HDAC4: variants seen among roughly 807,000 people sequenced by gnomAD.
The protein encoded by HDAC4 is histone deacetylase A.
Under a neutral mutation model 135.1 loss-of-function variants are expected in HDAC4, and 16 were observed. That is an observed-to-expected ratio of 0.12 (90% CI 0.08 to 0.18). The LOEUF is 0.18. Ranked by LOEUF, HDAC4 falls within the 10% of genes least tolerant of loss-of-function variation. The probability of loss-of-function intolerance (pLI) is 1.00; values close to 1 mark genes in which losing one functional copy is unlikely to be tolerated. For missense variants in HDAC4, 1,143 were observed against 1,511.8 expected, an observed-to-expected ratio of 0.76 and a Z score of 4.05; for synonymous variants, 685 against 653.4, an observed-to-expected ratio of 1.05 and a Z score of -0.74.
At chr2:239,053,734 T>A in intron 25 of HDAC4, 133 bp from the exon 26 acceptor site, 1 of 717,414 alleles carries the variant, frequency 1.4e-6, no homozygotes, top group Non-Finnish European at 2.3e-6. Context: ...CACCCGTCTT[T>A]GAAGAGACAC....
intron 2 of HDAC4, among the ~76,000 whole-genome samples, chr2:239,263,793 C>G (rs540255753): frequency 1.3e-5 from 2 of 152,314 alleles, no homozygotes; most frequent in Admixed American, 1.3e-4. Context: ...GCATGCAGAG[C>G]AAGCCGCCTG....
chr2:239,263,086 G>T (rs1280940787), intron 2 of HDAC4, among the ~76,000 whole-genome samples: 1 of 152,170 alleles, frequency 6.6e-6, no homozygotes, highest in East Asian at 1.9e-4. Flanking sequence ...ACCTGCTGCG[G>T]CGGTGACACA....
intron 19 of HDAC4, among the ~76,000 whole-genome samples, chr2:239,086,780 G>C (rs2036008929): frequency 6.6e-6 from 1 of 152,194 alleles, no homozygotes; most frequent in Admixed American, 6.5e-5. Flanking sequence ...ACTCTCCAAG[G>C]CAGAGCCCTA....
At chr2:239,215,181 A>T (rs1398858528) in intron 3 of HDAC4, among the ~76,000 whole-genome samples, 1 of 152,218 alleles carries the variant, frequency 6.6e-6, no homozygotes, top group African/African-American at 2.4e-5. Flanking sequence ...GGGCGCTTGG[A>T]TGTGATGATG....
chr2:239,054,025 C>T (rs1366915646), intron 25 of HDAC4, among the ~76,000 whole-genome samples: 1 of 151,594 alleles, frequency 6.6e-6, no homozygotes, highest in African/African-American at 2.4e-5. Context: ...TGGGCCCTCA[C>T]AGAGGCTGGG....
At chr2:239,249,660 T>C (rs137911649) in intron 2 of HDAC4, among the ~76,000 whole-genome samples, 22 of 152,246 alleles carry the variant, frequency 1.4e-4, no homozygotes, top group Non-Finnish European at 2.6e-4. Context: ...TACAACAACA[T>C]GTATTTCAGC....
intron 3 of HDAC4, among the ~76,000 whole-genome samples, chr2:239,200,346 T>C (rs1036587867): frequency 6.6e-5 from 10 of 152,186 alleles, no homozygotes; most frequent in Non-Finnish European, 1.3e-4. Flanking sequence ...CTTAACTGAA[T>C]TGCAACTGTT....
At chr2:239,221,036 T>C (rs961409568) in intron 3 of HDAC4, among the ~76,000 whole-genome samples, 1 of 152,166 alleles carries the variant, frequency 6.6e-6, no homozygotes, top group Non-Finnish European at 1.5e-5. Flanking sequence ...ACTCAGCTCA[T>C]TCTGCGGGCG....
chr2:239,156,986 C>T (rs530742504), intron 6 of HDAC4, among the ~76,000 whole-genome samples: 10 of 152,204 alleles, frequency 6.6e-5, no homozygotes, highest in Non-Finnish European at 1.5e-5. Context: ...TCCTCCTCTG[C>T]GGGACCAGCA....
chr2:239,265,096 C>G (rs1310607839), intron 2 of HDAC4, among the ~76,000 whole-genome samples: 1 of 152,136 alleles, frequency 6.6e-6, no homozygotes, highest in Non-Finnish European at 1.5e-5. Context: ...GGGGCCAGCC[C>G]TGGGGCTCTC....
chr2:239,149,351 C>T (rs116483591), intron 7 of HDAC4, among the ~76,000 whole-genome samples: 2,550 of 150,530 alleles, frequency 0.017, 74 homozygotes, highest in African/African-American at 0.058. Context: ...CTCACTTGGG[C>T]GACAGAGCGA....
intron 1 of HDAC4, among the ~76,000 whole-genome samples, chr2:239,377,363 C>T (rs1245993282): frequency 5.3e-5 from 8 of 152,208 alleles, no homozygotes; most frequent in Admixed American, 2.6e-4. Context: ...CCTCTGACTC[C>T]GTGACTCTCT....
intron 1 of HDAC4, among the ~76,000 whole-genome samples, chr2:239,368,083 G>A (rs1283555598): frequency 3.3e-5 from 5 of 152,138 alleles, no homozygotes; most frequent in African/African-American, 9.7e-5. Context: ...CAAAAACTCT[G>A]AGAGCCTGAA....
At chr2:239,140,852 G>T (rs766756552) in intron 8 of HDAC4, 11 of 408,348 alleles carry the variant, frequency 2.7e-5, no homozygotes, top group African/African-American at 2.3e-4. Context: ...CCACGAGGAC[G>T]CAGGTGCCCA....
At chr2:239,251,898 C>G (rs1323623041) in intron 2 of HDAC4, among the ~76,000 whole-genome samples, 1 of 152,126 alleles carries the variant, frequency 6.6e-6, no homozygotes, top group Non-Finnish European at 1.5e-5. Flanking sequence ...AATGAATATA[C>G]CCTACACATC....
chr2:239,158,037 C>T (rs1285410549), intron 6 of HDAC4, among the ~76,000 whole-genome samples: 4 of 152,254 alleles, frequency 2.6e-5, no homozygotes, highest in Non-Finnish European at 1.5e-5. Flanking sequence ...TTCCACCATG[C>T]AGTCAGGCTC....
intron 11 of HDAC4, among the ~76,000 whole-genome samples, chr2:239,129,325 C>T (rs2040409780): frequency 6.6e-6 from 1 of 152,218 alleles, no homozygotes; most frequent in Admixed American, 6.5e-5. Context: ...ACAAGAGCTT[C>T]TGATGACAGA....
chr2:239,360,149 T>C (rs1693766689), intron 1 of HDAC4, among the ~76,000 whole-genome samples: 1 of 152,172 alleles, frequency 6.6e-6, no homozygotes, highest in Admixed American at 6.5e-5. Flanking sequence ...CCACACCTGA[T>C]GGCCTGCGCT....
intron 12 of HDAC4, among the ~76,000 whole-genome samples, chr2:239,120,303 T>C (rs573871480): frequency 6.6e-6 from 1 of 151,662 alleles, no homozygotes; most frequent in East Asian, 1.9e-4. Context: ...CAGGGACCAG[T>C]GGTAGGGTGT....
Sources: gnomAD v4.1 joint callset for allele counts (sites outside exome capture counted in the v4.1 genomes callset) on GRCh38, gnomAD v4.1.1 for gene constraint, MANE v1.5 for transcripts, NCBI Gene and HGNC (gene_info 2026-07-23, HGNC 2026-07-21) for gene names.